Variants in APP observed in about 807,000 individuals in gnomAD.
APP encodes amyloid beta precursor protein.
APP carries 31 observed loss-of-function variants against 101.4 expected under a neutral mutation model. The ratio of observed to expected loss-of-function variants is 0.31; its 90% confidence interval spans 0.23 to 0.41. The LOEUF (loss-of-function observed/expected upper bound fraction) is 0.41, where lower values mean the gene tolerates loss of function less well. Among genes scored for constraint, APP ranks in the 10% least tolerant of loss-of-function variants. APP has a pLI of 1.00. For missense variants in APP, 839 were observed against 1,003.7 expected (o/e 0.84, Z 2.22); for synonymous variants, 366 against 364.4 (o/e 1.00, Z -0.05).
chr21:26,130,747 T>C (rs979492251), intron 1 of APP, among the ~76,000 whole-genome samples: 3 of 152,224 alleles, frequency 2.0e-5, no homozygotes, highest in Non-Finnish European at 4.4e-5. Flanking sequence ...ATATGTGAGC[T>C]TCAACACCCA....
At position 25,885,780 on chromosome 21, in the gene APP, A is replaced by AC. The variant is rs527269751; in HGVS notation, c.2212-4010dup. Among the ~76,000 whole-genome samples, 380 of 152,092 alleles carry AC rather than the reference A, an allele frequency of 2.5e-3. 4 individuals carry two copies. The highest frequency in any genetic ancestry group is 8.7e-3 in the African/African-American group (359 of 41,478). ...TTGACACTCTTTGGCTAACCTCCATACCCCCTGACCCTTTTCTCCCTGAAC... is the reference window on the plus strand; with the variant it reads ...TTGACACTCTTTGGCTAACCTCCATACCCCCCTGACCCTTTTCTCCCTGAAC... On this transcript the variant is annotated intron_variant, in intron 17 of 17. Coordinates refer to ENST00000346798, the MANE Select transcript of APP (RefSeq NM_000484.4).
chr21:26,072,711 T>G (rs1218754629), intron 3 of APP, among the ~76,000 whole-genome samples: 1 of 152,006 alleles, frequency 6.6e-6, no homozygotes, highest in Non-Finnish European at 1.5e-5. Flanking sequence ...CAGAATCAGG[T>G]TGATTTCTGC....
chr21:25,898,078 TA>T (rs1356729541), intron 15 of APP: 1 of 190,478 alleles, frequency 5.2e-6, no homozygotes, highest in African/African-American at 2.4e-5. Context: ...GAAATAATAA[TA>T]AAAGGCTTTA....
intron 17 of APP, among the ~76,000 whole-genome samples, chr21:25,887,739 A>G (rs1190035519): frequency 6.6e-6 from 1 of 152,156 alleles, no homozygotes; most frequent in Non-Finnish European, 1.5e-5. Flanking sequence ...TGTCTATAGT[A>G]TTCAGTGCAG....
intron 1 of APP, among the ~76,000 whole-genome samples, chr21:26,170,155 G>T (rs768148994): frequency 6.6e-6 from 1 of 152,198 alleles, no homozygotes; most frequent in Non-Finnish European, 1.5e-5. Flanking sequence ...ATTCAAGAGC[G>T]AAGGACTGGC....
At chr21:25,966,705 G>T (rs1186039222) in intron 11 of APP, among the ~76,000 whole-genome samples, 2 of 152,132 alleles carry the variant, frequency 1.3e-5, no homozygotes, top group African/African-American at 2.4e-5. Context: ...GAAAAGTGAT[G>T]GGTAGAAATA....
chr21:26,025,193 C>G (rs893392960), intron 5 of APP, among the ~76,000 whole-genome samples: 3 of 152,194 alleles, frequency 2.0e-5, no homozygotes, highest in African/African-American at 7.2e-5. Context: ...AACAGTTGCT[C>G]AGCTGCCCTG....
intron 1 of APP, among the ~76,000 whole-genome samples, chr21:26,151,952 C>T (rs542861243): frequency 6.6e-6 from 1 of 152,068 alleles, no homozygotes; most frequent in Admixed American, 6.6e-5. Flanking sequence ...CTACTTCCAG[C>T]CTATGTTCAG....
Position 25,881,490 on chromosome 21 carries a change from G to T in APP, c.*180C>A. The T allele has an allele frequency of 5.7e-6, 4 of 696,104 alleles. No individual in the cohort carries two copies. In the South Asian group the frequency reaches 6.5e-5, roughly 11 times the overall value. The allele number at this position is 696,104 out of a possible 1,614,324, so 43.1% of individuals were successfully genotyped here. A position where few individuals can be genotyped will look rare whatever the true frequency, so the allele number is the denominator to read the frequency against. Reference sequence around the variant, plus strand: ...GTAAAGAGAGATAGAATACATTACTGATGTGTGGATTAATTCAAGTTCAGG... The same window carrying T: ...GTAAAGAGAGATAGAATACATTACTTATGTGTGGATTAATTCAAGTTCAGG... On this transcript the variant is annotated 3_prime_UTR_variant, in exon 18 of 18. Transcript: ENST00000346798.
chr21:25,890,479 G>A (rs930871185), intron 17 of APP, among the ~76,000 whole-genome samples: 5 of 152,124 alleles, frequency 3.3e-5, no homozygotes, highest in Non-Finnish European at 7.4e-5. Context: ...GGTGGCTCAC[G>A]CCTGTAATCC....
chr21:25,953,444 T>C (rs566679372), intron 13 of APP, among the ~76,000 whole-genome samples: 35 of 152,332 alleles, frequency 2.3e-4, no homozygotes, highest in Non-Finnish European at 4.3e-4. Flanking sequence ...GAGCGGTGTT[T>C]CAGGCACTTC....
chr21:26,060,633 G>T (rs2046234265), intron 3 of APP, among the ~76,000 whole-genome samples: 1 of 152,172 alleles, frequency 6.6e-6, no homozygotes, highest in African/African-American at 2.4e-5. Flanking sequence ...TGGTTTGTTT[G>T]TTTTTTCTGA....
intron 5 of APP, among the ~76,000 whole-genome samples, chr21:26,032,844 G>A (rs1412115089): frequency 6.6e-6 from 1 of 150,948 alleles, no homozygotes; most frequent in Non-Finnish European, 1.5e-5. Context: ...TTTACTGGGC[G>A]CTATGCCTAG....
At chr21:26,053,567 A>C (rs1439087282) in intron 3 of APP, 2 of 454,200 alleles carry the variant, frequency 4.4e-6, no homozygotes, top group Non-Finnish European at 8.1e-6. Flanking sequence ...ATAATGCCTA[A>C]ATGCTGCAAG....
intron 1 of APP, among the ~76,000 whole-genome samples, chr21:26,138,510 C>T (rs1167874046): frequency 2.6e-5 from 3 of 115,598 alleles, no homozygotes; most frequent in African/African-American, 3.7e-5. Context: ...GCCAACACAG[C>T]GAAACTCTGT....
chr21:26,045,831 T>C (rs576569733), intron 5 of APP, among the ~76,000 whole-genome samples: 1 of 152,266 alleles, frequency 6.6e-6, no homozygotes, highest in South Asian at 2.1e-4. Context: ...CCGAGCTGTA[T>C]TAGTTCATTT....
chr21:25,928,385 T>G (rs2039995255), intron 13 of APP, among the ~76,000 whole-genome samples: 1 of 144,764 alleles, frequency 6.9e-6, no homozygotes, highest in Admixed American at 7.0e-5. Flanking sequence ...AAACCAAGTT[T>G]ATATACTACA....
chr21:26,044,530 ATTTC>A (rs549583619), intron 5 of APP, among the ~76,000 whole-genome samples: 70 of 152,050 alleles, frequency 4.6e-4, no homozygotes, highest in African/African-American at 1.2e-3. Flanking sequence ...TGAGCAATGT[ATTTC>A]TTTCTTTCTT....
chr21:25,915,971 T>TC (rs1391974690), intron 13 of APP, among the ~76,000 whole-genome samples: 5 of 149,894 alleles, frequency 3.3e-5, no homozygotes, highest in Non-Finnish European at 7.4e-5. Flanking sequence ...CACTTAGCCT[T>TC]CGTTTTTTTT....
Sources: gnomAD v4.1 joint callset for allele counts (sites outside exome capture counted in the v4.1 genomes callset) on GRCh38, gnomAD v4.1.1 for gene constraint, MANE v1.5 for transcripts, NCBI Gene and HGNC (gene_info 2026-07-23, HGNC 2026-07-21) for gene names.